Variants in ATG14 observed in about 807,000 individuals in gnomAD.
ATG14 encodes the protein beclin 1-associated autophagy-related key regulator.
In ATG14, 35 loss-of-function variants were observed where a neutral mutation model predicts 60.4. That is an observed-to-expected ratio of 0.58 (90% CI 0.44 to 0.77). The LOEUF (loss-of-function observed/expected upper bound fraction) is 0.77. ATG14 is among the 30% of genes least tolerant of loss of function. The probability of loss-of-function intolerance (pLI) is 0.00; values close to 1 mark genes in which losing one functional copy is unlikely to be tolerated. For synonymous variants in ATG14, 234 were observed against 228.8 expected (o/e 1.02, Z -0.21); for missense variants, 647 against 626.3 (o/e 1.03, Z -0.35).
chr14:55,379,243 G>T (rs1018345096), intron 7 of ATG14, among the ~76,000 whole-genome samples: 11 of 152,060 alleles, frequency 7.2e-5, no homozygotes, highest in Admixed American at 2.6e-4. Flanking sequence ...TATTTAAAGG[G>T]GGAAGATGAT....
chr14:55,386,168 C>T (rs1193280724), intron 4 of ATG14, 72 bp from the exon 5 acceptor site: 2 of 1,267,370 alleles, frequency 1.6e-6, no homozygotes, highest in Non-Finnish European at 1.1e-6. Flanking sequence ...CTCCACCCCA[C>T]AAACATGCGT....
chr14:55,383,612 A>G (rs183256802), intron 5 of ATG14, among the ~76,000 whole-genome samples: 1 of 151,798 alleles, frequency 6.6e-6, no homozygotes, highest in African/African-American at 2.4e-5. Flanking sequence ...AAGAACAACA[A>G]AAAATAACAA....
rs754020523 is a variant in ATG14 at position 55,411,586 on chromosome 14, G to A, written c.221+16C>T. The A allele has an allele frequency of 3.1e-6, 5 of 1,593,968 alleles. No homozygotes were observed. The highest frequency in any genetic ancestry group is 1.1e-5 in the South Asian group (1 of 88,526). On this transcript the variant is annotated intron_variant, in intron 1 of 9. Coordinates refer to ENST00000247178, the MANE Select transcript of ATG14 (RefSeq NM_014924.5). The stretch of plus-strand genomic sequence containing the variant: ...ACACAGCAGAAGAAACAATAGGGCC[G>A]TGGCGGCCGCCGTACCTCTCCCGGT...
rs75934349 is a variant in ATG14, at chr14:55,391,286, C to T, written c.328-294G>A. On this transcript the variant is annotated intron_variant, in intron 3 of 9. Coordinates refer to ENST00000247178, the MANE Select transcript of ATG14 (RefSeq NM_014924.5). ...GTTAGGAGATCAAGACCATCCTGGC[C>T]AACATGGTGAAACCCCATCTCTACT... 1,478 of 204,044 alleles carry T rather than the reference C, an allele frequency of 7.2e-3. 22 individuals carry two copies. The highest frequency in any genetic ancestry group is 0.062 in the East Asian group (405 of 6,482). 12.6% of individuals were successfully genotyped at this position (204,044 alleles called of 1,614,324 possible).
chr14:55,371,814 C>T (rs1255322834), intron 9 of ATG14, among the ~76,000 whole-genome samples: 1 of 150,336 alleles, frequency 6.7e-6, no homozygotes, highest in Non-Finnish European at 1.5e-5. Context: ...AAAAAACAAA[C>T]AAAAAAACAA....
At chr14:55,384,944 AT>A (rs1885097802) in intron 5 of ATG14, among the ~76,000 whole-genome samples, 2 of 151,744 alleles carry the variant, frequency 1.3e-5, no homozygotes, top group African/African-American at 4.9e-5. Flanking sequence ...TGGAACCTCT[AT>A]TTCTCAGATG....
intron 5 of ATG14, 147 bp downstream of exon 5, chr14:55,385,710 ACT>A: frequency 1.3e-6 from 1 of 755,962 alleles, no homozygotes; most frequent in Non-Finnish European, 2.1e-6. Flanking sequence ...TGCGGTGCGT[ACT>A]GTTTGTTGAA....
chr14:55,374,591 C>G (rs58571408), intron 9 of ATG14, among the ~76,000 whole-genome samples: 1 of 152,186 alleles, frequency 6.6e-6, no homozygotes, highest in African/African-American at 2.4e-5. Context: ...TTGTGGCTTA[C>G]TTGGGAATTC....
intron 7 of ATG14, 67 bp downstream of exon 7, chr14:55,380,506 A>C (rs1885009102): frequency 1.9e-6 from 2 of 1,075,344 alleles, no homozygotes; most frequent in Admixed American, 2.0e-5. Flanking sequence ...TATTGGAATA[A>C]ATAAAGACAA....
At chr14:55,384,409 C>A (rs1047469906) in intron 5 of ATG14, among the ~76,000 whole-genome samples, 1 of 152,212 alleles carries the variant, frequency 6.6e-6, no homozygotes, top group Non-Finnish European at 1.5e-5. Flanking sequence ...TGCTACAACA[C>A]TATTAACTAA....
chr14:55,384,663 A>C (rs1012408454), intron 5 of ATG14, among the ~76,000 whole-genome samples: 2 of 152,252 alleles, frequency 1.3e-5, no homozygotes, highest in Non-Finnish European at 2.9e-5. Flanking sequence ...TAGGAAGCCA[A>C]CTCTGGCAAC....
At chr14:55,372,591 C>G (rs1379301207) in intron 9 of ATG14, among the ~76,000 whole-genome samples, 1 of 151,420 alleles carries the variant, frequency 6.6e-6, no homozygotes, top group Non-Finnish European at 1.5e-5. Flanking sequence ...TTCTTCCTCA[C>G]TCCTTCCCTT....
intron 6 of ATG14, among the ~76,000 whole-genome samples, chr14:55,381,048 G>A (rs1005108977): frequency 4.0e-5 from 6 of 151,650 alleles, no homozygotes; most frequent in Admixed American, 1.3e-4. Context: ...ACAACCCTAC[G>A]GAAGAGTCAT....
chr14:55,374,423 T>C (rs989391647), intron 9 of ATG14, among the ~76,000 whole-genome samples: 1 of 152,228 alleles, frequency 6.6e-6, no homozygotes, highest in Non-Finnish European at 1.5e-5. Flanking sequence ...ATTTGAAAGA[T>C]TTCAGTTGTC....
intron 5 of ATG14, among the ~76,000 whole-genome samples, chr14:55,384,447 A>T (rs564896241): frequency 7.2e-5 from 11 of 152,238 alleles, no homozygotes; most frequent in African/African-American, 2.2e-4. Flanking sequence ...CCTCTCTCCA[A>T]CTGTCCTGCT....
intron 1 of ATG14, among the ~76,000 whole-genome samples, chr14:55,401,797 G>A (rs1419107148): frequency 2.0e-5 from 3 of 152,178 alleles, no homozygotes; most frequent in African/African-American, 4.8e-5. Flanking sequence ...GGGCTTCAGA[G>A]GCAGCCACCC....
At chr14:55,380,394 A>G (rs1885005784) in intron 7 of ATG14, among the ~76,000 whole-genome samples, 179 bp downstream of exon 7, 1 of 152,244 alleles carries the variant, frequency 6.6e-6, no homozygotes, top group African/African-American at 2.4e-5. Flanking sequence ...GTACAACTGT[A>G]AGATAATGAA....
chr14:55,410,074 C>T (rs1241124055), intron 1 of ATG14, among the ~76,000 whole-genome samples: 1 of 152,092 alleles, frequency 6.6e-6, no homozygotes, highest in Non-Finnish European at 1.5e-5. Context: ...TCAAGGAGAA[C>T]TGAAAGGTTT....
At chr14:55,389,363 A>G (rs1396541200) in intron 4 of ATG14, among the ~76,000 whole-genome samples, 1 of 152,234 alleles carries the variant, frequency 6.6e-6, no homozygotes, top group Non-Finnish European at 1.5e-5. Context: ...GAGCCTTTGG[A>G]GAATGCATGC....
Sources: allele counts gnomAD v4.1 joint callset (sites outside exome capture counted in the v4.1 genomes callset), GRCh38; gene constraint gnomAD v4.1.1; transcripts MANE v1.5; gene names NCBI Gene and HGNC (gene_info 2026-07-23, HGNC 2026-07-21).